Variants in FAM193A observed in about 807,000 individuals in gnomAD.
FAM193A encodes protein FAM193A.
FAM193A carries 22 observed loss-of-function variants against 126.5 expected under a neutral mutation model. The ratio of observed to expected loss-of-function variants is 0.17; its 90% CI spans 0.12 to 0.25. The LOEUF (loss-of-function observed/expected upper bound fraction) is 0.25, where lower values mean the gene tolerates loss of function less well. FAM193A is among the 10% of genes least tolerant of loss of function. FAM193A has a pLI of 1.00. For missense variants in FAM193A, 1,675 were observed against 1,672.8 expected (o/e 1.00, Z -0.02); for synonymous variants, 761 against 646.8 (o/e 1.18, Z -2.68).
intron 1 of FAM193A, among the ~76,000 whole-genome samples, chr4:2,539,908 G>T (rs1687540595): frequency 2.0e-5 from 3 of 151,726 alleles, no homozygotes; most frequent in African/African-American, 4.8e-5. Context: ...AAACCAGCCT[G>T]GTTGACAGAT....
At chr4:2,605,241 C>CT (rs1409771071) in intron 2 of FAM193A, among the ~76,000 whole-genome samples, 1 of 152,144 alleles carries the variant, frequency 6.6e-6, no homozygotes, top group Non-Finnish European at 1.5e-5. Context: ...TCTTGAACCC[C>CT]TTCTAGTCAT....
At chr4:2,579,617 T>G (rs969282901) in intron 1 of FAM193A, among the ~76,000 whole-genome samples, 2 of 152,090 alleles carry the variant, frequency 1.3e-5, no homozygotes, top group African/African-American at 4.8e-5. Context: ...AAGGATTGCT[T>G]AAGCTTGGGG....
chr4:2,551,667 A>T (rs149024423), intron 1 of FAM193A, among the ~76,000 whole-genome samples: 1 of 151,814 alleles, frequency 6.6e-6, no homozygotes, highest in Admixed American at 6.6e-5. Context: ...TTTACCTTTT[A>T]TTCTTCCTTG....
At chr4:2,554,901 C>T (rs965426535) in intron 1 of FAM193A, among the ~76,000 whole-genome samples, 3 of 152,072 alleles carry the variant, frequency 2.0e-5, no homozygotes, top group African/African-American at 7.2e-5. Flanking sequence ...CAGCTTTCTG[C>T]TAATTAATAT....
chr4:2,546,239 A>G (rs752507755), intron 1 of FAM193A, among the ~76,000 whole-genome samples: 2 of 151,318 alleles, frequency 1.3e-5, no homozygotes, highest in African/African-American at 4.9e-5. Flanking sequence ...CAGTCCTCCT[A>G]CCTTGGCCTC....
intron 19 of FAM193A, among the ~76,000 whole-genome samples, chr4:2,706,198 C>T (rs749871070): frequency 8.6e-5 from 13 of 151,860 alleles, no homozygotes; most frequent in Non-Finnish European, 1.8e-4. Context: ...ATAATGAGAC[C>T]TTGTTTCTAC....
intron 19 of FAM193A, chr4:2,715,601 C>G (rs572225268): frequency 1.4e-6 from 1 of 735,212 alleles, no homozygotes; most frequent in African/African-American, 1.9e-5. Context: ...ATGGGCCTGT[C>G]CCCTGGGCAG....
intron 4 of FAM193A, among the ~76,000 whole-genome samples, chr4:2,627,225 A>T (rs1743060970): frequency 7.2e-6 from 1 of 139,060 alleles, no homozygotes; most frequent in Non-Finnish European, 1.5e-5. Flanking sequence ...CAATGGCGTG[A>T]TCTTGGCTCA....
chr4:2,654,992 C>G (rs2109085499), intron 7 of FAM193A: 3 of 597,664 alleles, frequency 5.0e-6, no homozygotes, highest in South Asian at 4.0e-5. Context: ...ACGGTATCTT[C>G]TACAAATAAT....
chr4:2,551,961 C>T (rs946668051), intron 1 of FAM193A, among the ~76,000 whole-genome samples: 19 of 151,332 alleles, frequency 1.3e-4, no homozygotes, highest in Admixed American at 2.0e-4. Context: ...CCACCTCAGC[C>T]TCCTGAGCGG....
At chr4:2,547,588 A>ATG (rs368862235) in intron 1 of FAM193A, among the ~76,000 whole-genome samples, 31 of 147,240 alleles carry the variant, frequency 2.1e-4, no homozygotes, top group East Asian at 6.0e-4. Context: ...TGACCTTAGT[A>ATG]TGTGTGTGTG....
chr4:2,544,377 T>TA (rs1194097861), intron 1 of FAM193A, among the ~76,000 whole-genome samples: 2 of 151,948 alleles, frequency 1.3e-5, no homozygotes, highest in Non-Finnish European at 2.9e-5. Flanking sequence ...TTGAGCTATG[T>TA]AGTGAGACTC....
chr4:2,562,296 G>GA (rs1174578184), intron 1 of FAM193A, among the ~76,000 whole-genome samples: 3 of 152,086 alleles, frequency 2.0e-5, no homozygotes, highest in East Asian at 3.9e-4. Flanking sequence ...AAAAAATATA[G>GA]AAAAAATCAG....
At chr4:2,573,612 C>T (rs1015604281) in intron 1 of FAM193A, among the ~76,000 whole-genome samples, 5 of 152,080 alleles carry the variant, frequency 3.3e-5, no homozygotes, top group Admixed American at 2.6e-4. Flanking sequence ...CTGTCTGCTC[C>T]GTGGCTGCGG....
intron 1 of FAM193A, among the ~76,000 whole-genome samples, chr4:2,546,325 G>T (rs77636701): frequency 2.2e-4 from 33 of 152,136 alleles, no homozygotes; most frequent in African/African-American, 7.7e-4. Context: ...TTTTGCATTT[G>T]AATTTTAACA....
At chr4:2,576,177 A>G (rs1281606738) in intron 1 of FAM193A, among the ~76,000 whole-genome samples, 1 of 151,866 alleles carries the variant, frequency 6.6e-6, no homozygotes, top group African/African-American at 2.4e-5. Context: ...GCTCACTGCA[A>G]CCTCCACCTC....
At chr4:2,730,027 C>T (rs919647721) in intron 20 of FAM193A, among the ~76,000 whole-genome samples, 5 of 152,280 alleles carry the variant, frequency 3.3e-5, no homozygotes, top group Non-Finnish European at 5.9e-5. Context: ...ACCTCAGCCC[C>T]GAGCAGCTGG....
intron 5 of FAM193A, among the ~76,000 whole-genome samples, chr4:2,634,363 A>G (rs952079360): frequency 2.0e-5 from 3 of 152,196 alleles, no homozygotes; most frequent in South Asian, 2.1e-4. Flanking sequence ...GAAACCTTCA[A>G]TCTGACCTCA....
intron 7 of FAM193A, among the ~76,000 whole-genome samples, chr4:2,652,605 C>T (rs1745782838): frequency 6.6e-6 from 1 of 152,056 alleles, no homozygotes; most frequent in Non-Finnish European, 1.5e-5. Flanking sequence ...ACAACCAGAT[C>T]TTCTGAGCAC....
Sources: allele counts gnomAD v4.1 joint callset (sites outside exome capture counted in the v4.1 genomes callset), GRCh38; gene constraint gnomAD v4.1.1; transcripts MANE v1.5; gene names NCBI Gene and HGNC (gene_info 2026-07-23, HGNC 2026-07-21).